The following ALDH1L1 variants were observed in gnomAD, a reference collection of about 807,000 sequenced individuals.
ALDH1L1 encodes the protein aldehyde dehydrogenase 1 family member L1.
Under a neutral mutation model 101.1 loss-of-function variants are expected in ALDH1L1, and 68 were observed. The ratio of observed to expected loss-of-function variants is 0.67; its 90% CI spans 0.55 to 0.82. ALDH1L1 has a LOEUF of 0.82. ALDH1L1 is among the 40% of genes least tolerant of loss of function. The probability of loss-of-function intolerance (pLI) is 0.00; values close to 1 mark genes in which losing one functional copy is unlikely to be tolerated. For synonymous variants in ALDH1L1, 486 were observed against 470.8 expected (o/e 1.03, Z -0.42); for missense variants, 1,087 against 1,172.7 (o/e 0.93, Z 1.07).
intron 16 of ALDH1L1, among the ~76,000 whole-genome samples, chr3:126,119,386 T>G (rs1405016423): frequency 6.6e-6 from 1 of 152,188 alleles, no homozygotes; most frequent in Non-Finnish European, 1.5e-5. Flanking sequence ...TCCTCCAGGG[T>G]TCTCCATTTC....
chr3:126,159,274 G>T, intron 2 of ALDH1L1: 1 of 381,792 alleles, frequency 2.6e-6, no homozygotes, highest in Non-Finnish European at 5.1e-6. Flanking sequence ...CAGCCTGCAG[G>T]GCCCCTCCTC....
chr3:126,131,604 C>G, intron 12 of ALDH1L1, 70 bp from the exon 13 acceptor site: 1 of 1,521,472 alleles, frequency 6.6e-7, no homozygotes, highest in African/African-American at 1.4e-5. Flanking sequence ...TCACAAGGCC[C>G]TTCTTCAAGG....
intron 1 of ALDH1L1, among the ~76,000 whole-genome samples, chr3:126,162,513 G>T (rs1030201571): frequency 2.0e-5 from 3 of 151,916 alleles, no homozygotes; most frequent in Non-Finnish European, 4.4e-5. Context: ...TTTTTCCATT[G>T]GGTGGTTTTA....
At chr3:126,143,260 A>AT (rs1213921774) in intron 9 of ALDH1L1, among the ~76,000 whole-genome samples, 6 of 152,232 alleles carry the variant, frequency 3.9e-5, no homozygotes, top group Admixed American at 3.9e-4. Flanking sequence ...TTGAAGCATC[A>AT]TAAGTCTGGG....
At chr3:126,177,255 T>C (rs1024624562) in intron 1 of ALDH1L1, among the ~76,000 whole-genome samples, 4 of 152,204 alleles carry the variant, frequency 2.6e-5, no homozygotes. Context: ...TGCACACAAA[T>C]GTTGATAGCA....
intron 13 of ALDH1L1, among the ~76,000 whole-genome samples, chr3:126,130,574 G>A (rs559569223): frequency 1.6e-4 from 25 of 152,340 alleles, no homozygotes; most frequent in East Asian, 7.7e-4. Flanking sequence ...GGGCAGGGCC[G>A]GGTGTCCCCC....
chr3:126,149,487 G>A (rs1333839121), intron 8 of ALDH1L1, among the ~76,000 whole-genome samples: 1 of 152,242 alleles, frequency 6.6e-6, no homozygotes, highest in Non-Finnish European at 1.5e-5. Context: ...TGCAACACCA[G>A]GGCAGGCCAA....
chr3:126,117,188 C>T (rs1042693184), intron 17 of ALDH1L1, among the ~76,000 whole-genome samples: 31 of 151,022 alleles, frequency 2.1e-4, no homozygotes, highest in South Asian at 2.1e-4. Context: ...GAGGCTGCAG[C>T]CATGATCACG....
At chr3:126,183,540 C>G (rs2081493191), upstream of ALDH1L1, among the ~76,000 whole-genome samples, 1 of 152,146 alleles carries the variant, frequency 6.6e-6, no homozygotes, top group African/African-American at 2.4e-5. Context: ...GAGAATCACT[C>G]TGGGGCCAGA....
intron 16 of ALDH1L1, 74 bp from the exon 17 acceptor site, chr3:126,118,172 T>C: frequency 8.2e-7 from 1 of 1,220,542 alleles, no homozygotes; most frequent in Non-Finnish European, 1.2e-6. Flanking sequence ...CCTCCAGGAC[T>C]GCACAGGTTC....
chr3:126,187,951 A>G (rs2081530556), intron 1 of ALDH1L1, among the ~76,000 whole-genome samples: 1 of 152,218 alleles, frequency 6.6e-6, no homozygotes. Context: ...GAAGAAAAAA[A>G]AAGATTTGTG....
At chr3:126,145,927 G>A (rs1216399554) in intron 9 of ALDH1L1, among the ~76,000 whole-genome samples, 4 of 152,068 alleles carry the variant, frequency 2.6e-5, no homozygotes, top group Non-Finnish European at 5.9e-5. Flanking sequence ...TGTACACAAG[G>A]CATGGCCTGG....
chr3:126,153,531 C>T lies in ALDH1L1; in HGVS notation c.771G>A (p.Glu257=), dbSNP rs1255692941. ...CTCCTGGGATGGGCAAAGCGTCTCC[C>T]TCGGGCACCAGGCCTGAAGTGTTCA... is the stretch of plus-strand genomic sequence containing the variant. ...STLNTSGLVP[E]GDALPIPGAH... is the part of the protein sequence containing the mutation. Residue 257 remains glutamate (E), a synonymous_variant, in exon 7 of 23, where the codon GAG becomes GAA. Coordinates refer to ENST00000393434, the MANE Select transcript of ALDH1L1 (RefSeq NM_012190.4). 2 of 1,614,082 alleles carry T rather than the reference C, an allele frequency of 1.2e-6. No individual in the cohort carries two copies. The highest frequency in any genetic ancestry group is 2.2e-5 in the East Asian group (1 of 44,886).
intron 1 of ALDH1L1, among the ~76,000 whole-genome samples, chr3:126,193,116 C>T (rs1559987638): frequency 6.6e-6 from 1 of 152,158 alleles, no homozygotes; most frequent in African/African-American, 2.4e-5. Flanking sequence ...TCTTGTCTAC[C>T]TACTAAGTTA....
In ALDH1L1 at chr3:126,180,467, G is replaced by A; in HGVS notation, c.-24+9C>T. The A allele has an allele frequency of 1.0e-6, 1 of 993,880 alleles. No homozygotes were observed. The highest frequency in any genetic ancestry group is 1.2e-6 in the Non-Finnish European group (1 of 834,824). 61.6% of individuals were successfully genotyped at this position (993,880 alleles called of 1,614,324 possible). ...GGAGTCCAGCGCTCTCGAGAGCCCA[G>A]AAACTCACCGCGCGCAGGAGTTGGT... On this transcript the variant is annotated intron_variant, in intron 1 of 22. Coordinates refer to ENST00000393434, the MANE Select transcript of ALDH1L1 (RefSeq NM_012190.4).
chr3:126,190,912 A>C (rs2081549581), intron 1 of ALDH1L1, among the ~76,000 whole-genome samples: 1 of 152,250 alleles, frequency 6.6e-6, no homozygotes, highest in African/African-American at 2.4e-5. Flanking sequence ...ATCTCAGGTA[A>C]AAGCAAAAAG....
chr3:126,155,567 G>A, intron 4 of ALDH1L1, 64 bp from the exon 5 acceptor site: 1 of 1,450,992 alleles, frequency 6.9e-7, no homozygotes. Flanking sequence ...CAGCCCCAGG[G>A]CCCACATTGA....
intron 9 of ALDH1L1, among the ~76,000 whole-genome samples, chr3:126,138,593 T>G (rs190570874): frequency 6.6e-6 from 1 of 152,212 alleles, no homozygotes; most frequent in African/African-American, 2.4e-5. Flanking sequence ...AGCTTCATAT[T>G]TATTAGAATG....
Position 126,171,137 on chromosome 3 carries a change from A to G in ALDH1L1, c.-24+9339T>C, listed in dbSNP as rs2081267425. Among the ~76,000 whole-genome samples the G allele has an allele frequency of 2.0e-5, 3 of 152,300 alleles. No homozygotes were observed. The South Asian group carries it at 6.2e-4, about 32-fold the overall frequency. On this transcript the variant is annotated intron_variant, in intron 1 of 22. Transcript: ENST00000393434. ...CACGGTGAAACCCCGTCTCTACTAA[A>G]ACTACAAAAAATTAGCCAGGCGTGG...
Sources: gnomAD v4.1 joint callset for allele counts (sites outside exome capture counted in the v4.1 genomes callset) on GRCh38, gnomAD v4.1.1 for gene constraint, MANE v1.5 for transcripts, NCBI Gene and HGNC (gene_info 2026-07-23, HGNC 2026-07-21) for gene names.